Variants in DIPK1A observed in about 807,000 individuals in gnomAD.
The protein encoded by DIPK1A is divergent protein kinase domain 1A.
A neutral mutation model predicts 40.8 loss-of-function variants in DIPK1A; 27 were observed. The observed-to-expected ratio is 0.66, with a 90% CI of 0.49 to 0.91. The LOEUF (loss-of-function observed/expected upper bound fraction) is 0.91. Among genes scored for constraint, DIPK1A ranks in the 40% least tolerant of loss-of-function variants. DIPK1A has a pLI of 0.00. For synonymous variants in DIPK1A, 166 were observed against 171.3 expected, an observed-to-expected ratio of 0.97 and a Z score of 0.24; for missense variants, 412 against 505.7, an observed-to-expected ratio of 0.81 and a Z score of 1.78.
At chr1:92,885,393 G>C (rs1033778197) in intron 1 of DIPK1A, among the ~76,000 whole-genome samples, 16 of 151,690 alleles carry the variant, frequency 1.1e-4, no homozygotes, top group Non-Finnish European at 2.9e-5. Context: ...TTTTTGGAAG[G>C]AGTCTCACTC....
chr1:92,935,333 G>C (rs1253300901), intron 1 of DIPK1A, among the ~76,000 whole-genome samples: 3 of 152,068 alleles, frequency 2.0e-5, no homozygotes, highest in Admixed American at 6.5e-5. Context: ...CTTTTATTTT[G>C]TGAGATACTA....
intron 1 of DIPK1A, among the ~76,000 whole-genome samples, chr1:92,895,013 T>C (rs1053684765): frequency 6.6e-6 from 1 of 152,014 alleles, no homozygotes; most frequent in African/African-American, 2.4e-5. Context: ...CAATAATTAA[T>C]AGCTTACTAA....
Position 92,946,943 on chromosome 1 carries a change from CA to C in DIPK1A, c.54+14432del, listed in dbSNP as rs36065493. ...TGGGTGACAGAGTGAGACCCTGTCT[CA>C]AAAAAAAAAAAAAAAAACCACACAG... On this transcript the variant is annotated intron_variant, in intron 1 of 4. Transcript: ENST00000370310. Among the ~76,000 whole-genome samples the C allele has an allele frequency of 3.7e-3, 396 of 108,396 alleles. 1 individual carries two copies. The highest frequency in any genetic ancestry group is 0.012 in the African/African-American group (297 of 25,208). 71.1% of individuals were successfully genotyped at this position (108,396 alleles called of 152,430 possible). A position where few individuals can be genotyped will look rare whatever the true frequency, so the allele number is the denominator to read the frequency against.
Position 92,861,463 on chromosome 1 carries a change from A to G in DIPK1A, c.190-10508T>C, listed in dbSNP as rs1046453645. On this transcript the variant is annotated intron_variant, in intron 2 of 4. Coordinates refer to ENST00000370310, the MANE Select transcript of DIPK1A (RefSeq NM_001006605.5). ...TGCCTCAGCCTCCCGGGTAGCTGGG[A>G]TTGCAGGCAAGAACAACCAGGCATG... is the stretch of plus-strand genomic sequence containing the variant. Among the ~76,000 whole-genome samples the G allele has an allele frequency of 4.0e-5, 6 of 150,252 alleles. No individual in the cohort carries two copies. In the South Asian group the frequency reaches 1.3e-3, roughly 32 times the overall value.
At chr1:92,884,453 A>G (rs957088790) in intron 1 of DIPK1A, among the ~76,000 whole-genome samples, 2 of 151,330 alleles carry the variant, frequency 1.3e-5, no homozygotes, top group Non-Finnish European at 2.9e-5. Context: ...ACCCTGTCTT[A>G]AAACAAACAA....
chr1:92,834,957 GCTT>G, intron 4 of DIPK1A: 1 of 1,599,542 alleles, frequency 6.3e-7, no homozygotes, highest in Non-Finnish European at 8.5e-7. Flanking sequence ...GTGGCTGATT[GCTT>G]GGAGAGTTTT....
intron 1 of DIPK1A, among the ~76,000 whole-genome samples, chr1:92,910,525 C>A (rs1016594950): frequency 6.6e-6 from 1 of 152,096 alleles, no homozygotes; most frequent in Admixed American, 6.6e-5. Flanking sequence ...TAGCAAACAT[C>A]TACCAACAAT....
intron 1 of DIPK1A, among the ~76,000 whole-genome samples, chr1:92,880,248 T>G (rs80262449): frequency 0.024 from 3,596 of 152,314 alleles, 130 homozygotes; most frequent in African/African-American, 0.075. Flanking sequence ...AGAGCTAAAT[T>G]TGTATGACAT....
At chr1:92,916,987 C>A in intron 1 of DIPK1A, among the ~76,000 whole-genome samples, 1 of 152,298 alleles carries the variant, frequency 6.6e-6, no homozygotes, top group African/African-American at 2.4e-5. Context: ...TATCCACTTT[C>A]CTTTCTAGTT....
intron 1 of DIPK1A, among the ~76,000 whole-genome samples, chr1:92,901,881 G>A (rs913463707): frequency 3.3e-5 from 5 of 152,088 alleles, no homozygotes; most frequent in Non-Finnish European, 7.4e-5. Flanking sequence ...AAAGTTGTCT[G>A]GCTTATAAGG....
At chr1:92,959,474 C>G (rs548045790) in intron 1 of DIPK1A, among the ~76,000 whole-genome samples, 1 of 119,628 alleles carries the variant, frequency 8.4e-6, no homozygotes, top group Admixed American at 1.0e-4. Flanking sequence ...TTTTTTGAGA[C>G]GGAGTCGCAC....
downstream of DIPK1A, chr1:92,837,346 T>C (rs1687170603): frequency 3.2e-6 from 3 of 927,526 alleles, no homozygotes; most frequent in African/African-American, 1.6e-5. Flanking sequence ...TGGTTGCATA[T>C]GATGCGATAA....
chr1:92,868,343 G>A (rs1375343574), intron 2 of DIPK1A, among the ~76,000 whole-genome samples: 1 of 152,166 alleles, frequency 6.6e-6, no homozygotes, highest in African/African-American at 2.4e-5. Flanking sequence ...AAACGTACAT[G>A]GTGTTACTAA....
At chr1:92,881,958 G>A (rs924702244) in intron 1 of DIPK1A, among the ~76,000 whole-genome samples, 3 of 152,074 alleles carry the variant, frequency 2.0e-5, no homozygotes, top group African/African-American at 4.8e-5. Flanking sequence ...ATGTCTCTAA[G>A]ATCTACAAGT....
At chr1:92,852,484 G>A (rs1687855098) in intron 2 of DIPK1A, among the ~76,000 whole-genome samples, 1 of 151,628 alleles carries the variant, frequency 6.6e-6, no homozygotes, top group Non-Finnish European at 1.5e-5. Context: ...TGGGCAAGAA[G>A]AGCGAATCTC....
intron 2 of DIPK1A, 65 bp downstream of exon 2, chr1:92,876,231 A>T (rs2100775800): frequency 1.0e-6 from 1 of 986,710 alleles, no homozygotes; most frequent in Admixed American, 3.6e-5. Context: ...ATTAGTAAGT[A>T]TGTAAGCAGT....
At chr1:92,851,850 A>C (rs943458913) in intron 2 of DIPK1A, among the ~76,000 whole-genome samples, 1 of 152,228 alleles carries the variant, frequency 6.6e-6, no homozygotes, top group African/African-American at 2.4e-5. Flanking sequence ...TGCAGAGCAC[A>C]ACCATTATCC....
intron 3 of DIPK1A, among the ~76,000 whole-genome samples, chr1:92,847,737 T>G (rs1316744781): frequency 6.6e-6 from 1 of 152,178 alleles, no homozygotes; most frequent in Non-Finnish European, 1.5e-5. Flanking sequence ...TGTCCTATGG[T>G]CTACTAATTT....
intron 1 of DIPK1A, among the ~76,000 whole-genome samples, chr1:92,959,566 C>G (rs900822121): frequency 2.7e-5 from 4 of 150,920 alleles, no homozygotes; most frequent in Non-Finnish European, 5.9e-5. Flanking sequence ...ATTCTCCTGC[C>G]TCAGCCTCCC....
Sources: gnomAD v4.1 joint callset for allele counts (sites outside exome capture counted in the v4.1 genomes callset) on GRCh38, gnomAD v4.1.1 for gene constraint, MANE v1.5 for transcripts, NCBI Gene and HGNC (gene_info 2026-07-23, HGNC 2026-07-21) for gene names.